The following SOX5 variants were observed in gnomAD, a reference collection of about 807,000 sequenced individuals.
SOX5 encodes SRY-box transcription factor 5, also known as transcription factor SOX-5.
In SOX5, 9 loss-of-function variants were observed where a neutral mutation model predicts 92.0. The observed-to-expected ratio is 0.10, with a 90% CI of 0.06 to 0.17. The LOEUF (loss-of-function observed/expected upper bound fraction) is 0.17, where lower values mean the gene tolerates loss of function less well. Among genes scored for constraint, SOX5 ranks in the 10% least tolerant of loss-of-function variants. The pLI is 1.00. For missense variants in SOX5, 642 were observed against 944.5 expected, an observed-to-expected ratio of 0.68 and a Z score of 4.20; for synonymous variants, 344 against 336.3, an observed-to-expected ratio of 1.02 and a Z score of -0.25.
chr12:23,959,875 C>T (rs1329478914), intron 4 of SOX5, among the ~76,000 whole-genome samples: 1 of 152,088 alleles, frequency 6.6e-6, no homozygotes, highest in Non-Finnish European at 1.5e-5. Flanking sequence ...AATATAAAAA[C>T]TTATAGGAAC....
intron 4 of SOX5, among the ~76,000 whole-genome samples, chr12:23,986,992 A>C (rs1950120729): frequency 6.6e-6 from 1 of 152,186 alleles, no homozygotes; most frequent in Non-Finnish European, 1.5e-5. Context: ...TCTTCTCTCA[A>C]GTACAGAATG....
At chr12:24,086,447 T>C (rs1202256139) in intron 4 of SOX5, among the ~76,000 whole-genome samples, 1 of 151,926 alleles carries the variant, frequency 6.6e-6, no homozygotes, top group Non-Finnish European at 1.5e-5. Flanking sequence ...GAATGTAATG[T>C]CATGTAAAAT....
intron 3 of SOX5, chr12:24,237,943 GA>G (rs1352739353): frequency 6.6e-6 from 1 of 152,108 alleles, no homozygotes; most frequent in Non-Finnish European, 1.5e-5. Context: ...GCCCAGACAG[GA>G]CCCTGCTGGG....
intron 1 of SOX5, among the ~76,000 whole-genome samples, chr12:24,556,508 A>G (rs188450548): frequency 6.6e-6 from 1 of 152,216 alleles, no homozygotes; most frequent in Non-Finnish European, 1.5e-5. Context: ...ACTCAGATGG[A>G]TTTCTTTTTC....
chr12:24,098,215 C>T lies in SOX5; in HGVS notation c.-2+115128G>A, dbSNP rs141038165. Among the ~76,000 whole-genome samples, 123 of 152,196 alleles carry T rather than the reference C, an allele frequency of 8.1e-4. No individual in the cohort carries two copies. In the Middle Eastern group the frequency reaches 0.01, roughly 13 times the overall value. ...GGTTACAAGTTGGAGTTAACTAAAG[C>T]AATATCAATACACACATCCTTATTA... On this transcript the variant is annotated intron_variant, in intron 4 of 4. Coordinates refer to the SOX5 transcript ENST00000446891.
At chr12:24,046,335 G>A (rs752683988) in intron 4 of SOX5, among the ~76,000 whole-genome samples, 1 of 152,182 alleles carries the variant, frequency 6.6e-6, no homozygotes, top group South Asian at 2.1e-4. Flanking sequence ...GAGCTGAAAG[G>A]AGAGCCTTTT....
chr12:24,355,291 T>TAA (rs1954684064), intron 2 of SOX5, among the ~76,000 whole-genome samples: 1 of 15,642 alleles, frequency 6.4e-5, no homozygotes, highest in Admixed American at 1.4e-3. Flanking sequence ...TCTTTTTTTT[T>TAA]TTTTTTTTTT....
intron 2 of SOX5, among the ~76,000 whole-genome samples, chr12:24,296,002 C>T (rs1366613656): frequency 6.6e-6 from 1 of 152,130 alleles, no homozygotes; most frequent in African/African-American, 2.4e-5. Context: ...TCATTTTACC[C>T]AGTGCATTAT....
chr12:23,779,816 C>T (rs867728157), intron 3 of SOX5, among the ~76,000 whole-genome samples: 3,164 of 80,810 alleles, frequency 0.039, 42 homozygotes, highest in South Asian at 0.099. Context: ...TATATATATA[C>T]ACACACACAC....
chr12:23,609,820 G>T (rs2075739447), intron 8 of SOX5, among the ~76,000 whole-genome samples: 1 of 152,108 alleles, frequency 6.6e-6, no homozygotes, highest in Non-Finnish European at 1.5e-5. Flanking sequence ...TGAAAAGTGT[G>T]ATCAGTTCTC....
chr12:23,738,916 A>C (rs551766509), intron 5 of SOX5, among the ~76,000 whole-genome samples: 2 of 152,160 alleles, frequency 1.3e-5, no homozygotes, highest in South Asian at 2.1e-4. Flanking sequence ...GGCCATACCC[A>C]AAAAAAAGCC....
At chr12:23,721,427 T>C (rs1428312487) in intron 6 of SOX5, among the ~76,000 whole-genome samples, 1 of 152,100 alleles carries the variant, frequency 6.6e-6, no homozygotes, top group Non-Finnish European at 1.5e-5. Flanking sequence ...AATTCAGTAG[T>C]ACTCACAGTG....
At chr12:24,476,971 C>T (rs1321873615) in intron 1 of SOX5, among the ~76,000 whole-genome samples, 2 of 116,942 alleles carry the variant, frequency 1.7e-5, no homozygotes, top group Non-Finnish European at 3.3e-5. Flanking sequence ...AAGACCAGCC[C>T]AGGCAACAAA....
intron 3 of SOX5, among the ~76,000 whole-genome samples, chr12:23,767,361 T>C (rs1316296425): frequency 1.3e-5 from 2 of 152,024 alleles, no homozygotes; most frequent in Non-Finnish European, 2.9e-5. Flanking sequence ...GACCAGAACA[T>C]CATCTCTGAA....
intron 3 of SOX5, among the ~76,000 whole-genome samples, chr12:23,842,927 G>C (rs963705883): frequency 7.9e-5 from 12 of 152,162 alleles, no homozygotes; most frequent in African/African-American, 2.2e-4. Context: ...AGGGGACAGA[G>C]AGCAAGTTTA....
At chr12:23,946,115 A>T (rs1167002717) in intron 1 of SOX5, among the ~76,000 whole-genome samples, 2 of 152,156 alleles carry the variant, frequency 1.3e-5, no homozygotes, top group East Asian at 3.9e-4. Flanking sequence ...AATGTGAAGT[A>T]AATAAGTTAA....
At chr12:23,610,035 CTAAT>C (rs1177136914) in intron 8 of SOX5, among the ~76,000 whole-genome samples, 2 of 152,018 alleles carry the variant, frequency 1.3e-5, no homozygotes, top group African/African-American at 2.4e-5. Context: ...TTAACTTGTA[CTAAT>C]TAATTGTTGC....
At chr12:24,135,009 G>T (rs1949990120) in intron 4 of SOX5, among the ~76,000 whole-genome samples, 1 of 152,122 alleles carries the variant, frequency 6.6e-6, no homozygotes, top group African/African-American at 2.4e-5. Context: ...AGGCTGCAAA[G>T]ACAGACACAG....
intron 9 of SOX5, among the ~76,000 whole-genome samples, chr12:23,596,638 T>TA (rs1952506598): frequency 6.6e-6 from 1 of 152,098 alleles, no homozygotes; most frequent in Non-Finnish European, 1.5e-5. Context: ...TAGTTTAGCA[T>TA]AAAAAATAAA....
Sources: allele counts gnomAD v4.1 joint callset (sites outside exome capture counted in the v4.1 genomes callset), GRCh38; gene constraint gnomAD v4.1.1; transcripts MANE v1.5; gene names NCBI Gene and HGNC (gene_info 2026-07-23, HGNC 2026-07-21).